Variants in ASPH observed in about 807,000 individuals in gnomAD.
ASPH encodes the protein aspartate beta-hydroxylase, also known as aspartyl/asparaginyl beta-hydroxylase.
In ASPH, 100 loss-of-function variants were observed where a neutral mutation model predicts 118.4. That is an observed-to-expected ratio of 0.84 (90% confidence interval 0.72 to 1.00). ASPH has a LOEUF of 1.00. Among genes scored for constraint, ASPH ranks in the 50% least tolerant of loss-of-function variants. The pLI is 0.00. For missense variants in ASPH, 920 were observed against 919.5 expected (o/e 1.00, Z -0.01); for synonymous variants, 315 against 325.6 (o/e 0.97, Z 0.35).
intron 16 of ASPH, among the ~76,000 whole-genome samples, chr8:61,573,868 G>A (rs933574117): frequency 5.3e-5 from 8 of 152,148 alleles, no homozygotes; most frequent in African/African-American, 1.9e-4. Context: ...TTAAACTAAA[G>A]AGCTTCTGCA....
chr8:61,625,878 G>A (rs1852581154), intron 13 of ASPH: 1 of 1,009,086 alleles, frequency 9.9e-7, no homozygotes, highest in African/African-American at 1.7e-5. Context: ...AACAGTTAGT[G>A]TTAATTACTA....
chr8:61,687,407 T>G (rs773978743), intron 1 of ASPH: 1 of 152,260 alleles, frequency 6.6e-6, no homozygotes, highest in Non-Finnish European at 1.5e-5. Context: ...CACCTTTACC[T>G]AGAATTTGTT....
At chr8:61,665,336 C>A in intron 3 of ASPH, 1 of 1,613,790 alleles carries the variant, frequency 6.2e-7, no homozygotes, top group Non-Finnish European at 8.5e-7. Flanking sequence ...ATCTTTGTCT[C>A]GGGATGCCAT....
At chr8:61,652,473 C>T (rs1811506806) in intron 4 of ASPH, among the ~76,000 whole-genome samples, 1 of 152,174 alleles carries the variant, frequency 6.6e-6, no homozygotes, top group African/African-American at 2.4e-5. Context: ...TTTGCAAATA[C>T]TCCTTCTCTC....
rs191486137 is a variant in ASPH at position 61,650,388 on chromosome 8, G to A, written c.490+662C>T. On this transcript the variant is annotated intron_variant, in intron 5 of 24. Transcript: ENST00000379454. ...CCCTTGGATCACACCAAAGCATCAG[G>A]AGAATCAGGATTCCAGAACATCCTG... 2.3e-4 allele frequency among the ~76,000 whole-genome samples: 35 copies of A among 152,188 alleles called. 1 individual carries two copies. In the East Asian group the frequency reaches 6.8e-3, roughly 29 times the overall value.
At chr8:61,685,414 C>A (rs950298004) in intron 1 of ASPH, among the ~76,000 whole-genome samples, 1 of 152,168 alleles carries the variant, frequency 6.6e-6, no homozygotes, top group African/African-American at 2.4e-5. Flanking sequence ...GTCACCAGTA[C>A]AAGTTGGGTA....
At chr8:61,504,456 A>G (rs977392880) in intron 24 of ASPH, among the ~76,000 whole-genome samples, 4 of 152,224 alleles carry the variant, frequency 2.6e-5, no homozygotes, top group Non-Finnish European at 5.9e-5. Context: ...TCAAGTTACT[A>G]TATTATCATA....
At chr8:61,599,383 T>C (rs888455610) in intron 14 of ASPH, among the ~76,000 whole-genome samples, 1 of 151,216 alleles carries the variant, frequency 6.6e-6, no homozygotes, top group Non-Finnish European at 1.5e-5. Context: ...GACGAGTTAA[T>C]GGGTGCAGCA....
intron 21 of ASPH, among the ~76,000 whole-genome samples, chr8:61,530,162 A>G (rs1279917531): frequency 6.6e-6 from 1 of 152,228 alleles, no homozygotes; most frequent in Non-Finnish European, 1.5e-5. Context: ...GGCAATGCCT[A>G]CATTTTTAAA....
chr8:61,702,476 C>T (rs892050920), intron 1 of ASPH, among the ~76,000 whole-genome samples: 26 of 151,942 alleles, frequency 1.7e-4, no homozygotes, highest in Middle Eastern at 6.8e-3. Context: ...TTAGTAGAGA[C>T]GGGGTTTCAC....
chr8:61,625,313 A>G (rs1254567350), intron 13 of ASPH: 2 of 985,744 alleles, frequency 2.0e-6, no homozygotes, highest in Non-Finnish European at 2.4e-6. Context: ...AGCTTTTCAC[A>G]CATCCTCAAT....
At chr8:61,518,191 G>T in intron 22 of ASPH, 68 bp from the exon 23 acceptor site, 2 of 1,382,926 alleles carry the variant, frequency 1.4e-6, no homozygotes, top group Non-Finnish European at 2.0e-6. Context: ...ATTTAGATGA[G>T]GTGAGAGCTA....
At chr8:61,532,336 A>G (rs542798401) in intron 21 of ASPH, among the ~76,000 whole-genome samples, 1 of 152,284 alleles carries the variant, frequency 6.6e-6, no homozygotes, top group South Asian at 2.1e-4. Context: ...GGTCTTTGAA[A>G]AAATGTCTAC....
chr8:61,544,689 T>C (rs1017391805), intron 21 of ASPH, among the ~76,000 whole-genome samples: 3 of 152,160 alleles, frequency 2.0e-5, no homozygotes, highest in Non-Finnish European at 4.4e-5. Context: ...AACATATTTA[T>C]GAAAAAACTA....
At chr8:61,617,638 G>T (rs1476042205) in intron 14 of ASPH, among the ~76,000 whole-genome samples, 2 of 151,984 alleles carry the variant, frequency 1.3e-5, no homozygotes, top group South Asian at 2.1e-4. Flanking sequence ...GTACTAGAAA[G>T]AAACAGCTAA....
intron 15 of ASPH, among the ~76,000 whole-genome samples, chr8:61,582,501 T>C (rs1837890720): frequency 6.6e-6 from 1 of 152,240 alleles, no homozygotes; most frequent in Non-Finnish European, 1.5e-5. Context: ...TTCATAAAGT[T>C]AAACAAGACA....
intron 24 of ASPH, among the ~76,000 whole-genome samples, chr8:61,505,365 C>A (rs1806086047): frequency 6.6e-6 from 1 of 151,948 alleles, no homozygotes; most frequent in African/African-American, 2.4e-5. Context: ...CGTGGTAGCG[C>A]ATGCCTGTAA....
At chr8:61,700,165 T>A (rs139127387) in intron 1 of ASPH, among the ~76,000 whole-genome samples, 307 of 152,326 alleles carry the variant, frequency 2.0e-3, no homozygotes, top group Admixed American at 4.2e-3. Context: ...GGAGGGTCCA[T>A]ACCAGGCCTT....
intron 1 of ASPH, among the ~76,000 whole-genome samples, chr8:61,691,502 C>T (rs1832633564): frequency 6.6e-6 from 1 of 152,194 alleles, no homozygotes; most frequent in East Asian, 1.9e-4. Context: ...CCCACCATTT[C>T]GTCACCATAC....
Sources: gnomAD v4.1 joint callset for allele counts (sites outside exome capture counted in the v4.1 genomes callset) on GRCh38, gnomAD v4.1.1 for gene constraint, MANE v1.5 for transcripts, NCBI Gene and HGNC (gene_info 2026-07-23, HGNC 2026-07-21) for gene names.